The following BMPR1B variants were observed in gnomAD, a reference collection of about 807,000 sequenced individuals.
BMPR1B encodes bone morphogenetic protein receptor type-1B.
Under a neutral mutation model 59.1 loss-of-function variants are expected in BMPR1B, and 12 were observed. That is an observed-to-expected ratio of 0.20 (90% CI 0.13 to 0.33). The LOEUF (loss-of-function observed/expected upper bound fraction) is 0.33. BMPR1B is among the 10% of genes least tolerant of loss of function. The pLI is 1.00. For synonymous variants in BMPR1B, 237 were observed against 207.3 expected (o/e 1.14, Z -1.23); for missense variants, 550 against 610.9 (o/e 0.90, Z 1.05).
chr4:94,761,359 T>A (rs1311140030), intron 1 of BMPR1B, among the ~76,000 whole-genome samples: 1 of 151,886 alleles, frequency 6.6e-6, no homozygotes, highest in East Asian at 1.9e-4. Flanking sequence ...AATTACTATT[T>A]CTTACCTGCA....
intron 3 of BMPR1B, among the ~76,000 whole-genome samples, chr4:95,019,312 A>G (rs1463552940): frequency 1.3e-5 from 2 of 152,208 alleles, no homozygotes; most frequent in African/African-American, 2.4e-5. Context: ...AGAGTACTTA[A>G]TGGATAAAAA....
chr4:95,098,815 C>T (rs1385484271), intron 3 of BMPR1B, among the ~76,000 whole-genome samples: 2 of 152,102 alleles, frequency 1.3e-5, no homozygotes, highest in African/African-American at 4.8e-5. Flanking sequence ...CTCCCAGGTT[C>T]ACACCATTCT....
At chr4:94,792,260 CTCT>C (rs1723014153) in intron 1 of BMPR1B, among the ~76,000 whole-genome samples, 1 of 152,078 alleles carries the variant, frequency 6.6e-6, no homozygotes, top group Non-Finnish European at 1.5e-5. Flanking sequence ...CTTTAAAAAA[CTCT>C]TCTTTCTTAA....
intron 2 of BMPR1B, among the ~76,000 whole-genome samples, chr4:94,953,490 TAAAGG>T (rs767890591): frequency 1.2e-4 from 19 of 152,236 alleles, no homozygotes; most frequent in Non-Finnish European, 2.1e-4. Context: ...TGCTTGTGTA[TAAAGG>T]ATTTTATTTC....
chr4:94,779,450 ATTTTTC>A (rs562455844), intron 1 of BMPR1B, among the ~76,000 whole-genome samples: 179 of 152,248 alleles, frequency 1.2e-3, no homozygotes, highest in African/African-American at 4.0e-3. Flanking sequence ...TAATGATCAT[ATTTTTC>A]TTTTTCTTGT....
intron 1 of BMPR1B, among the ~76,000 whole-genome samples, chr4:94,840,009 C>T (rs1409002321): frequency 6.6e-6 from 1 of 151,924 alleles, no homozygotes; most frequent in East Asian, 1.9e-4. Context: ...TTTATTTCTC[C>T]TTCACTTATG....
At chr4:94,990,545 G>T (rs1273937709) in intron 2 of BMPR1B, among the ~76,000 whole-genome samples, 1 of 152,114 alleles carries the variant, frequency 6.6e-6, no homozygotes, top group Non-Finnish European at 1.5e-5. Context: ...AGTGATGCAG[G>T]TACTAACATT....
intron 2 of BMPR1B, among the ~76,000 whole-genome samples, chr4:94,989,036 G>A (rs905736851): frequency 6.6e-6 from 1 of 152,076 alleles, no homozygotes; most frequent in African/African-American, 2.4e-5. Context: ...TTCCCCTGAA[G>A]AATGTCTCAT....
At chr4:95,087,747 A>G (rs1023065657) in intron 3 of BMPR1B, among the ~76,000 whole-genome samples, 1 of 152,134 alleles carries the variant, frequency 6.6e-6, no homozygotes, top group Non-Finnish European at 1.5e-5. Flanking sequence ...AAATAAATAA[A>G]TAAAAGAAAG....
At chr4:95,134,044 C>T (rs1181320169) in intron 10 of BMPR1B, among the ~76,000 whole-genome samples, 2 of 152,068 alleles carry the variant, frequency 1.3e-5, no homozygotes, top group African/African-American at 4.8e-5. Flanking sequence ...CCACGACAGG[C>T]CTGGTGTGTG....
intron 1 of BMPR1B, among the ~76,000 whole-genome samples, chr4:94,769,315 A>G (rs1235933452): frequency 6.6e-6 from 1 of 152,236 alleles, no homozygotes; most frequent in Non-Finnish European, 1.5e-5. Flanking sequence ...AAAGATGTTT[A>G]AATTCACAGT....
intron 2 of BMPR1B, among the ~76,000 whole-genome samples, chr4:94,932,169 C>T (rs529140843): frequency 6.6e-6 from 1 of 152,182 alleles, no homozygotes; most frequent in African/African-American, 2.4e-5. Flanking sequence ...TCTCCCCTGC[C>T]CCAAATAGGG....
chr4:95,024,602 G>T (rs1036748154), intron 3 of BMPR1B, among the ~76,000 whole-genome samples: 33 of 152,252 alleles, frequency 2.2e-4, no homozygotes, highest in African/African-American at 7.5e-4. Flanking sequence ...TATCAATTAT[G>T]CCAGTCACAG....
At chr4:94,962,072 T>TTTCCTTCCTTCCTTCCTGCCTTCC (rs1730381252) in intron 2 of BMPR1B, among the ~76,000 whole-genome samples, 1 of 117,960 alleles carries the variant, frequency 8.5e-6, no homozygotes, top group African/African-American at 3.5e-5. Context: ...CTTTCTTTTC[T>TTTCCTTCCTTCCTTCCTGCCTTCC]TTCCTTCCTT....
At position 95,132,993 on chromosome 4, in the gene BMPR1B, A is replaced by G. The variant is rs555385792; in HGVS notation, c.1076+1481A>G. On this transcript the variant is annotated intron_variant, in intron 10 of 12. Transcript: ENST00000515059. Reference sequence around the variant, plus strand: ...GCTCTGCTCTCTTTTTACCTCTTACATATTTTCCGACTGCTAGATTTCCTG... The same window carrying G: ...GCTCTGCTCTCTTTTTACCTCTTACGTATTTTCCGACTGCTAGATTTCCTG... Among the ~76,000 whole-genome samples the G allele has an allele frequency of 7.2e-5, 11 of 152,006 alleles. No individual in the cohort carries two copies. In the South Asian group the frequency reaches 1.7e-3, roughly 23 times the overall value.
In BMPR1B at chr4:94,975,352, C is replaced by CT. The variant is rs1730981877; in HGVS notation, c.-112-20684dup. On this transcript the variant is annotated intron_variant, in intron 2 of 12. Coordinates refer to ENST00000515059, the MANE Select transcript of BMPR1B (RefSeq NM_001203.3). ...TTTTAATAAATAAAATCTTAATTTC[C>CT]TTTTGTTTTTGTTTTTTTTTTTTTT... is the stretch of plus-strand genomic sequence containing the variant. Among the ~76,000 whole-genome samples, 30 of 130,102 alleles carry CT rather than the reference C, an allele frequency of 2.3e-4. 1 individual carries two copies. The highest frequency in any genetic ancestry group is 4.9e-4 in the African/African-American group (17 of 34,708). 85.4% of individuals were successfully genotyped at this position (130,102 alleles called of 152,430 possible). A position where few individuals can be genotyped will look rare whatever the true frequency, so the allele number is the denominator to read the frequency against.
At chr4:94,908,723 CA>C (rs930824918) in intron 2 of BMPR1B, among the ~76,000 whole-genome samples, 2 of 151,998 alleles carry the variant, frequency 1.3e-5, no homozygotes, top group African/African-American at 4.8e-5. Context: ...GACTTTTCAT[CA>C]AATCCAATGG....
At chr4:95,008,091 G>A (rs1471349031) in intron 3 of BMPR1B, among the ~76,000 whole-genome samples, 5 of 152,028 alleles carry the variant, frequency 3.3e-5, no homozygotes, top group African/African-American at 9.7e-5. Context: ...TATATAGGGT[G>A]GCAGTAATAT....
chr4:94,792,425 T>C (rs996366831), intron 1 of BMPR1B, among the ~76,000 whole-genome samples: 1 of 152,044 alleles, frequency 6.6e-6, no homozygotes, highest in African/African-American at 2.4e-5. Flanking sequence ...CCCCTTCTCT[T>C]CTCCTTCTAT....
Sources: allele counts gnomAD v4.1 joint callset (sites outside exome capture counted in the v4.1 genomes callset), GRCh38; gene constraint gnomAD v4.1.1; transcripts MANE v1.5; gene names NCBI Gene and HGNC (gene_info 2026-07-23, HGNC 2026-07-21).